ADAMTSL1: variants seen among roughly 807,000 people sequenced by gnomAD.
The protein encoded by ADAMTSL1 is ADAMTS-like protein 1.
A neutral mutation model predicts 201.8 loss-of-function variants in ADAMTSL1; 126 were observed. The ratio of observed to expected loss-of-function variants is 0.62; its 90% CI spans 0.54 to 0.72. The LOEUF is 0.72. Ranked by LOEUF, ADAMTSL1 falls within the 30% of genes least tolerant of loss-of-function variation. ADAMTSL1 has a pLI of 0.00. For synonymous variants in ADAMTSL1, 1,121 were observed against 903.4 expected (o/e 1.24, Z -4.32); for missense variants, 2,679 against 2,277.8 (o/e 1.18, Z -3.59).
At chr9:18,646,232 T>C (rs915811970) in intron 7 of ADAMTSL1, among the ~76,000 whole-genome samples, 13 of 152,124 alleles carry the variant, frequency 8.5e-5, no homozygotes, top group Non-Finnish European at 1.5e-5. Flanking sequence ...TTTTTGTACA[T>C]TGATTTTGTA....
intron 1 of ADAMTSL1, among the ~76,000 whole-genome samples, chr9:18,092,866 C>G (rs1353473757): frequency 6.6e-6 from 1 of 152,200 alleles, no homozygotes; most frequent in Admixed American, 6.5e-5. Context: ...GACCTGTTGA[C>G]ATATTCATAT....
intron 9 of ADAMTSL1, among the ~76,000 whole-genome samples, chr9:18,670,352 G>C (rs967240975): frequency 1.3e-5 from 2 of 152,168 alleles, no homozygotes; most frequent in Non-Finnish European, 1.5e-5. Flanking sequence ...TTATATCTGG[G>C]AGATAGCCAA....
At chr9:18,206,301 T>C (rs1243080977) in intron 2 of ADAMTSL1, among the ~76,000 whole-genome samples, 1 of 152,080 alleles carries the variant, frequency 6.6e-6, no homozygotes, top group Non-Finnish European at 1.5e-5. Flanking sequence ...CTATTTGATT[T>C]ATATTCTTAG....
chr9:18,480,127 C>A (rs1821649780), intron 1 of ADAMTSL1, among the ~76,000 whole-genome samples: 1 of 152,172 alleles, frequency 6.6e-6, no homozygotes, highest in Non-Finnish European at 1.5e-5. Flanking sequence ...TTACATTAGT[C>A]ACAGTTTTGT....
At chr9:18,858,186 T>G (rs1190671678) in intron 23 of ADAMTSL1, among the ~76,000 whole-genome samples, 5 of 52,244 alleles carry the variant, frequency 9.6e-5, no homozygotes, top group African/African-American at 2.5e-4. Flanking sequence ...CCACAGGATT[T>G]ATTTTTTTCT....
intron 19 of ADAMTSL1, among the ~76,000 whole-genome samples, chr9:18,790,494 G>A (rs748358347): frequency 6.6e-6 from 1 of 152,156 alleles, no homozygotes; most frequent in Non-Finnish European, 1.5e-5. Flanking sequence ...TACACCCGGA[G>A]CTGCCTTTGT....
At chr9:18,309,118 C>G (rs576502435) in intron 2 of ADAMTSL1, among the ~76,000 whole-genome samples, 1 of 152,008 alleles carries the variant, frequency 6.6e-6, no homozygotes, top group South Asian at 2.1e-4. Flanking sequence ...AGAAAAAAGC[C>G]TTGGATAAAA....
chr9:17,974,517 C>T (rs986005058), intron 1 of ADAMTSL1, among the ~76,000 whole-genome samples: 2 of 151,958 alleles, frequency 1.3e-5, no homozygotes, highest in African/African-American at 4.8e-5. Context: ...CAACATCTCC[C>T]CAATGTTCCC....
chr9:18,140,041 G>A (rs1026814637), intron 1 of ADAMTSL1, among the ~76,000 whole-genome samples: 1 of 152,056 alleles, frequency 6.6e-6, no homozygotes, highest in Non-Finnish European at 1.5e-5. Flanking sequence ...ATACCTAAGT[G>A]GCATGTATTC....
At chr9:18,362,243 A>C (rs946866819) in intron 2 of ADAMTSL1, 25 of 152,372 alleles carry the variant, frequency 1.6e-4, no homozygotes, top group Admixed American at 1.6e-3. Flanking sequence ...GCAGAATGCA[A>C]AAGCAGTTTA....
At chr9:18,720,452 A>G (rs573668120) in intron 14 of ADAMTSL1, among the ~76,000 whole-genome samples, 149 of 152,338 alleles carry the variant, frequency 9.8e-4, no homozygotes, top group African/African-American at 3.2e-3. Context: ...CTGGGCATCA[A>G]AATGAAATGT....
At chr9:18,895,190 C>T (rs1393838766) in intron 26 of ADAMTSL1, among the ~76,000 whole-genome samples, 1 of 152,124 alleles carries the variant, frequency 6.6e-6, no homozygotes, top group Non-Finnish European at 1.5e-5. Context: ...ACACATTACT[C>T]CTTCAAGAAT....
At chr9:18,666,887 T>C (rs1409154226) in intron 9 of ADAMTSL1, among the ~76,000 whole-genome samples, 1 of 152,074 alleles carries the variant, frequency 6.6e-6, no homozygotes, top group Non-Finnish European at 1.5e-5. Flanking sequence ...GTTAAGGCTG[T>C]CTGGAGGAAA....
intron 2 of ADAMTSL1, among the ~76,000 whole-genome samples, chr9:18,267,985 A>G (rs1218515703): frequency 6.6e-6 from 1 of 152,160 alleles, no homozygotes; most frequent in Admixed American, 6.5e-5. Flanking sequence ...GTACAGATTT[A>G]AAAAATTTAA....
chr9:18,771,296 A>G (rs1820674502), intron 17 of ADAMTSL1, among the ~76,000 whole-genome samples: 2 of 152,194 alleles, frequency 1.3e-5, no homozygotes, highest in African/African-American at 4.8e-5. Flanking sequence ...AAATACTTCA[A>G]CTGCTTCCTA....
chr9:18,884,623 C>A (rs1828742725), intron 23 of ADAMTSL1, among the ~76,000 whole-genome samples: 1 of 152,096 alleles, frequency 6.6e-6, no homozygotes, highest in Non-Finnish European at 1.5e-5. Flanking sequence ...ATATGGATAT[C>A]CATTTTCCCA....
intron 20 of ADAMTSL1, 131 bp from the exon 21 acceptor site, chr9:18,816,978 G>A: frequency 8.2e-7 from 1 of 1,217,144 alleles, no homozygotes; most frequent in Non-Finnish European, 1.1e-6. Flanking sequence ...AATTTTTCAA[G>A]AGAAAACATA....
chr9:17,936,208 T>G (rs528052323), intron 1 of ADAMTSL1, among the ~76,000 whole-genome samples: 1 of 152,352 alleles, frequency 6.6e-6, no homozygotes, highest in Admixed American at 6.5e-5. Flanking sequence ...TGGTGCCTTA[T>G]GTCATTTTAC....
At chr9:18,039,758 A>C (rs1285872889) in intron 1 of ADAMTSL1, among the ~76,000 whole-genome samples, 2 of 152,186 alleles carry the variant, frequency 1.3e-5, no homozygotes, top group Non-Finnish European at 2.9e-5. Context: ...CATAGATCAA[A>C]TGGTGGTATT....
Sources: gnomAD v4.1 joint callset for allele counts (sites outside exome capture counted in the v4.1 genomes callset) on GRCh38, gnomAD v4.1.1 for gene constraint, MANE v1.5 for transcripts, NCBI Gene and HGNC (gene_info 2026-07-23, HGNC 2026-07-21) for gene names.